Variants in ITGA9 observed in about 807,000 individuals in gnomAD.
ITGA9 encodes the protein integrin alpha-9.
A neutral mutation model predicts 127.8 loss-of-function variants in ITGA9; 56 were observed. The observed-to-expected ratio is 0.44, with a 90% CI of 0.35 to 0.55. The LOEUF (loss-of-function observed/expected upper bound fraction) is 0.55. ITGA9 is among the 20% of genes least tolerant of loss of function. ITGA9 has a pLI of 0.00. For synonymous variants in ITGA9, 508 were observed against 514.5 expected (o/e 0.99, Z 0.17); for missense variants, 1,196 against 1,347.1 (o/e 0.89, Z 1.76).
intron 4 of ITGA9, among the ~76,000 whole-genome samples, chr3:37,491,761 A>T (rs1698676178): frequency 6.6e-6 from 1 of 152,222 alleles, no homozygotes; most frequent in African/African-American, 2.4e-5. Context: ...AGTTTTTTAG[A>T]TACGAGTATG....
At chr3:37,569,763 A>G (rs902266141) in intron 15 of ITGA9, among the ~76,000 whole-genome samples, 4 of 152,214 alleles carry the variant, frequency 2.6e-5, no homozygotes, top group African/African-American at 9.6e-5. Flanking sequence ...GCCCCAAATT[A>G]TTTCAAATAT....
intron 17 of ITGA9, among the ~76,000 whole-genome samples, chr3:37,678,291 C>G (rs1158486633): frequency 6.6e-6 from 1 of 152,228 alleles, no homozygotes; most frequent in Non-Finnish European, 1.5e-5. Flanking sequence ...TTCCTACCAA[C>G]AGTGCACAAG....
At chr3:37,749,030 A>G (rs2125537107) in intron 22 of ITGA9, 1 of 426,742 alleles carries the variant, frequency 2.3e-6, no homozygotes, top group Non-Finnish European at 4.2e-6. Context: ...TTACTACAAC[A>G]TTTGTGGCTT....
chr3:37,452,571 C>T lies in ITGA9; in HGVS notation c.185+12C>T, dbSNP rs745958007. On this transcript the variant is annotated intron_variant, in intron 1 of 27. Transcript: ENST00000264741. This position sits in a 1 kb window ranked among gnomAD's most constrained non-coding sequence, Gnocchi z 7.3. ...GACAACACGCGCTGGTGAGTGCCCG[C>T]CCGACTCCGCGACCCTGGCCCGCGC... The T allele has an allele frequency of 2.6e-5, 39 of 1,507,708 alleles. No individual in the cohort carries two copies. The highest frequency in any genetic ancestry group is 1.9e-5 in the Non-Finnish European group (21 of 1,126,846). The allele number at this position is 1,507,708 out of a possible 1,614,324, so 93.4% of individuals were successfully genotyped here.
Position 37,542,335 on chromosome 3 carries a change from T to C in ITGA9, c.1529-90T>C, listed in dbSNP as rs544257177. ...ATGGAAGGGTAGGTATCATATGAGA[T>C]GTGCATGTGATCCTGTGACAAGGAA... On this transcript the variant is annotated intron_variant, in intron 14 of 27. Coordinates refer to ENST00000264741, the MANE Select transcript of ITGA9 (RefSeq NM_002207.3). 9 of 1,341,436 alleles carry C rather than the reference T, an allele frequency of 6.7e-6. No homozygotes were observed. In the East Asian group the frequency reaches 1.2e-4, roughly 17 times the overall value. The allele number at this position is 1,341,436 out of a possible 1,614,324, so 83.1% of individuals were successfully genotyped here. A position where few individuals can be genotyped will look rare whatever the true frequency, so the allele number is the denominator to read the frequency against.
At chr3:37,491,204 T>C (rs1464567038) in intron 4 of ITGA9, among the ~76,000 whole-genome samples, 1 of 152,104 alleles carries the variant, frequency 6.6e-6, no homozygotes, top group East Asian at 1.9e-4. Context: ...TTTCAACTCC[T>C]GGACTCAAGT....
At chr3:37,608,297 A>G (rs1412331053) in intron 15 of ITGA9, among the ~76,000 whole-genome samples, 1 of 152,262 alleles carries the variant, frequency 6.6e-6, no homozygotes, top group African/African-American at 2.4e-5. Flanking sequence ...AAAGGTTAAG[A>G]TCAAAGAGAT....
Position 37,821,346 on chromosome 3 carries a change from G to A in ITGA9, c.*2357G>A, listed in dbSNP as rs1306468184. On this transcript the variant is annotated 3_prime_UTR_variant, in exon 28 of 28. Coordinates refer to ENST00000264741, the MANE Select transcript of ITGA9 (RefSeq NM_002207.3). ...AACAGCCATTTATGAGGCCCCTGCT[G>A]TGTGTCAGGCACTGTGCAAGGTGCT... 1 of 152,208 alleles carries A rather than the reference G, an allele frequency of 6.6e-6. No homozygotes were observed. The highest frequency in any genetic ancestry group is 2.1e-4 in the South Asian group (1 of 4,834). 9.4% of individuals were successfully genotyped at this position (152,208 alleles called of 1,614,324 possible). A position where few individuals can be genotyped will look rare whatever the true frequency, so the allele number is the denominator to read the frequency against.
chr3:37,713,814 C>T (rs938999094), intron 18 of ITGA9, among the ~76,000 whole-genome samples: 2 of 152,242 alleles, frequency 1.3e-5, no homozygotes, highest in East Asian at 1.9e-4. Context: ...TACAGCCACA[C>T]GGCTGTTTCT....
At chr3:37,631,068 A>G (rs1274334144) in intron 16 of ITGA9, among the ~76,000 whole-genome samples, 1 of 152,214 alleles carries the variant, frequency 6.6e-6, no homozygotes, top group Non-Finnish European at 1.5e-5. Flanking sequence ...GGTAACTTCT[A>G]CATAATTGGT....
chr3:37,516,306 G>A (rs1459986893), intron 9 of ITGA9, among the ~76,000 whole-genome samples: 11 of 152,130 alleles, frequency 7.2e-5, no homozygotes, highest in Non-Finnish European at 1.5e-5. Context: ...GTGGAGTAGT[G>A]GAAAAAATTC....
chr3:37,536,174 A>C (rs1214790896), intron 14 of ITGA9, among the ~76,000 whole-genome samples: 2 of 152,232 alleles, frequency 1.3e-5, no homozygotes. Context: ...GGTGCTGGCC[A>C]ACTCTGTCAT....
rs1278484978 is a variant in ITGA9 at position 37,629,066 on chromosome 3, C to G, written c.1690-121C>G. 9 of 1,163,482 alleles carry G rather than the reference C, an allele frequency of 7.7e-6. No individual in the cohort carries two copies. Among genetic ancestry groups the G allele is most frequent in the Non-Finnish European group, 1.2e-5 (9 of 781,078 alleles). The allele number at this position is 1,163,482 out of a possible 1,614,324, so 72.1% of individuals were successfully genotyped here. A position where few individuals can be genotyped will look rare whatever the true frequency, so the allele number is the denominator to read the frequency against. On this transcript the variant is annotated intron_variant, in intron 15 of 27. Transcript: ENST00000264741. This position sits in a 1 kb window ranked among gnomAD's most constrained non-coding sequence, Gnocchi z 4.5. ...ATGAAAGTCATAAAACCCTACCTCA[C>G]GAGGGTGATTGTGAGGATTATATGA...
intron 3 of ITGA9, among the ~76,000 whole-genome samples, chr3:37,478,596 G>A (rs1231072117): frequency 6.6e-6 from 1 of 152,128 alleles, no homozygotes; most frequent in Non-Finnish European, 1.5e-5. Flanking sequence ...TCCTTCTCCT[G>A]TTCTTCCCTC....
chr3:37,456,122 G>A (rs1168913000), intron 1 of ITGA9, among the ~76,000 whole-genome samples: 1 of 152,184 alleles, frequency 6.6e-6, no homozygotes, highest in East Asian at 1.9e-4. Flanking sequence ...TTCTCTCAGA[G>A]TACTTGCTTG....
intron 14 of ITGA9, among the ~76,000 whole-genome samples, chr3:37,542,111 C>T (rs1699278396): frequency 6.6e-6 from 1 of 152,110 alleles, no homozygotes; most frequent in South Asian, 2.1e-4. Flanking sequence ...GTTGGGTACA[C>T]CTTGTTAATG....
intron 15 of ITGA9, among the ~76,000 whole-genome samples, chr3:37,549,566 A>T (rs1360081163): frequency 6.6e-6 from 1 of 152,214 alleles, no homozygotes; most frequent in East Asian, 1.9e-4. Context: ...TATACTGTTG[A>T]TGCCCTTTTA....
intron 1 of ITGA9, among the ~76,000 whole-genome samples, chr3:37,458,600 A>C: frequency 6.6e-6 from 1 of 152,240 alleles, no homozygotes; most frequent in East Asian, 1.9e-4. Context: ...TCCGCCTTGC[A>C]GCTGAACAGC....
At chr3:37,784,466 T>A (rs1459415092) in intron 25 of ITGA9, among the ~76,000 whole-genome samples, 3 of 152,166 alleles carry the variant, frequency 2.0e-5, no homozygotes, top group Admixed American at 2.0e-4. Context: ...GCATCCTCTT[T>A]CAATGTTTAA....
Sources: allele counts gnomAD v4.1 joint callset (sites outside exome capture counted in the v4.1 genomes callset), GRCh38; gene constraint gnomAD v4.1.1; non-coding constraint Gnocchi (gnomAD v3.1); transcripts MANE v1.5; gene names NCBI Gene and HGNC (gene_info 2026-07-23, HGNC 2026-07-21).